CEP112: variants seen among roughly 807,000 people sequenced by gnomAD.
CEP112 encodes the protein centrosomal protein of 112 kDa.
Under a neutral mutation model 153.0 loss-of-function variants are expected in CEP112, and 127 were observed. The observed-to-expected ratio is 0.83, with a 90% CI of 0.72 to 0.96. The LOEUF (loss-of-function observed/expected upper bound fraction) is 0.96. Ranked by LOEUF, CEP112 falls within the 40% of genes least tolerant of loss-of-function variation. The probability of loss-of-function intolerance (pLI) is 0.00; values close to 1 mark genes in which losing one functional copy is unlikely to be tolerated. For missense variants in CEP112, 1,089 were observed against 1,101.2 expected, an observed-to-expected ratio of 0.99 and a Z score of 0.16; for synonymous variants, 358 against 374.4, an observed-to-expected ratio of 0.96 and a Z score of 0.51.
chr17:65,833,693 C>T (rs564765972), intron 21 of CEP112, among the ~76,000 whole-genome samples: 2 of 152,022 alleles, frequency 1.3e-5, no homozygotes, highest in Non-Finnish European at 2.9e-5. Flanking sequence ...CAAAAGAGTG[C>T]TTGAAGAAAT....
intron 24 of CEP112, among the ~76,000 whole-genome samples, chr17:65,676,843 T>G (rs1043666096): frequency 2.6e-5 from 4 of 152,230 alleles, no homozygotes; most frequent in African/African-American, 7.2e-5. Context: ...AGTTTTTCAT[T>G]CTTTCTTCAG....
At chr17:66,029,785 G>T in intron 13 of CEP112, 84 bp downstream of exon 13, 2 of 1,134,344 alleles carry the variant, frequency 1.8e-6, no homozygotes, top group Non-Finnish European at 2.5e-6. Flanking sequence ...CGCACAAGGT[G>T]TAATTAATTT....
At chr17:66,016,038 A>G (rs545014643) in intron 16 of CEP112, among the ~76,000 whole-genome samples, 1 of 152,288 alleles carries the variant, frequency 6.6e-6, no homozygotes, top group Admixed American at 6.5e-5. Flanking sequence ...TGTGATCGTA[A>G]GTCTGCTATT....
At chr17:66,161,038 T>C (rs1040793896) in intron 4 of CEP112, among the ~76,000 whole-genome samples, 2 of 150,814 alleles carry the variant, frequency 1.3e-5, no homozygotes, top group African/African-American at 4.9e-5. Context: ...GAATAGACAC[T>C]TCTCAAAAGA....
chr17:66,058,155 TA>T (rs1433594711), intron 11 of CEP112, among the ~76,000 whole-genome samples: 1 of 114,554 alleles, frequency 8.7e-6, no homozygotes, highest in Non-Finnish European at 1.9e-5. Context: ...ATTGTATAAC[TA>T]GAAAAAAAAG....
At chr17:65,906,277 G>A (rs2060079280) in intron 19 of CEP112, among the ~76,000 whole-genome samples, 1 of 151,864 alleles carries the variant, frequency 6.6e-6, no homozygotes, top group Admixed American at 6.6e-5. Context: ...GGGGGGTAGG[G>A]GACTAGGGGA....
At chr17:65,648,044 T>C (rs1448941328) in intron 24 of CEP112, among the ~76,000 whole-genome samples, 1 of 152,186 alleles carries the variant, frequency 6.6e-6, no homozygotes, top group Non-Finnish European at 1.5e-5. Context: ...GAATATTAAA[T>C]TCATTAGCAT....
At chr17:66,181,067 C>T (rs2072699564) in intron 2 of CEP112, among the ~76,000 whole-genome samples, 1 of 152,122 alleles carries the variant, frequency 6.6e-6, no homozygotes, top group Admixed American at 6.5e-5. Context: ...CTTTCCACAT[C>T]CCATAGCAAA....
intron 20 of CEP112, among the ~76,000 whole-genome samples, chr17:65,854,246 G>C (rs555435446): frequency 1.3e-5 from 2 of 152,084 alleles, no homozygotes; most frequent in Non-Finnish European, 2.9e-5. Flanking sequence ...AGAATACAAA[G>C]CTAAATGATG....
intron 21 of CEP112, among the ~76,000 whole-genome samples, chr17:65,840,634 G>A (rs1396030783): frequency 6.6e-6 from 1 of 151,890 alleles, no homozygotes; most frequent in Non-Finnish European, 1.5e-5. Context: ...GCAGAAAAAT[G>A]GGATTATATC....
At chr17:66,117,510 T>C (rs1394900407) in intron 6 of CEP112, among the ~76,000 whole-genome samples, 3 of 152,194 alleles carry the variant, frequency 2.0e-5, no homozygotes, top group Non-Finnish European at 2.9e-5. Context: ...ATTCCCTCTA[T>C]GCCTCTGTGA....
intron 23 of CEP112, among the ~76,000 whole-genome samples, chr17:65,741,841 G>C (rs1054009986): frequency 6.6e-6 from 1 of 151,236 alleles, no homozygotes. Flanking sequence ...CAGTTATATA[G>C]ATCAATGGAG....
chr17:65,680,802 C>T (rs769109661), intron 24 of CEP112, among the ~76,000 whole-genome samples: 17 of 152,100 alleles, frequency 1.1e-4, no homozygotes, highest in South Asian at 2.1e-4. Context: ...ACAATCATGG[C>T]GGAAGGGGAA....
chr17:66,071,862 A>T (rs1249121416), intron 8 of CEP112, among the ~76,000 whole-genome samples: 2 of 152,182 alleles, frequency 1.3e-5, no homozygotes, highest in East Asian at 3.9e-4. Context: ...GGCTCCAACA[A>T]TCTCAATGAC....
intron 17 of CEP112, among the ~76,000 whole-genome samples, chr17:65,981,575 T>TG (rs990462301): frequency 7.9e-5 from 12 of 151,688 alleles, no homozygotes; most frequent in Non-Finnish European, 1.8e-4. Context: ...TTTTTGATTT[T>TG]TTTGTTTGTT....
At chr17:65,913,648 G>A (rs1359361005) in intron 19 of CEP112, 2 of 985,242 alleles carry the variant, frequency 2.0e-6, no homozygotes, top group Non-Finnish European at 2.4e-6. Flanking sequence ...TAATGTTGCT[G>A]TGATAACCGC....
Position 66,108,433 on chromosome 17 carries a change from C to T in CEP112, c.643-11801G>A, listed in dbSNP as rs75727412. Reference sequence around the variant, plus strand: ...CTCTATAGGAAAAAAACCAATAATCCGACTTGAAAATGGGCAAAAGATCTG... The same window carrying T: ...CTCTATAGGAAAAAAACCAATAATCTGACTTGAAAATGGGCAAAAGATCTG... On this transcript the variant is annotated intron_variant, in intron 6 of 26. Coordinates refer to ENST00000535342, the MANE Select transcript of CEP112 (RefSeq NM_001199165.4). Among the ~76,000 whole-genome samples the T allele has an allele frequency of 6.5e-3, 982 of 152,036 alleles. 12 individuals are homozygous for T. Among genetic ancestry groups the T allele is most frequent in the African/African-American group, 0.021 (891 of 41,522 alleles).
chr17:66,060,196 G>A (rs1191607337), intron 11 of CEP112, among the ~76,000 whole-genome samples: 1 of 152,080 alleles, frequency 6.6e-6, no homozygotes, highest in African/African-American at 2.4e-5. Context: ...TCACTACTTG[G>A]ATGATGGGAT....
intron 21 of CEP112, among the ~76,000 whole-genome samples, chr17:65,773,415 A>AT (rs112530124): frequency 0.79 from 119,389 of 151,954 alleles, 47,030 homozygotes; most frequent in East Asian, 0.84. Context: ...ATAAGAGGCC[A>AT]TTTTTTTATA....
Sources: gnomAD v4.1 joint callset for allele counts (sites outside exome capture counted in the v4.1 genomes callset) on GRCh38, gnomAD v4.1.1 for gene constraint, MANE v1.5 for transcripts, NCBI Gene and HGNC (gene_info 2026-07-23, HGNC 2026-07-21) for gene names.